Variants in GABRB1 observed in about 807,000 individuals in gnomAD.
GABRB1 encodes the protein gamma-aminobutyric acid type A receptor subunit beta1.
Under a neutral mutation model 51.6 loss-of-function variants are expected in GABRB1, and 17 were observed. The observed-to-expected ratio is 0.33, with a 90% CI of 0.23 to 0.49. The LOEUF is 0.49. Ranked by LOEUF, GABRB1 falls within the 20% of genes least tolerant of loss-of-function variation. The probability of loss-of-function intolerance (pLI) is 0.99; values close to 1 mark genes in which losing one functional copy is unlikely to be tolerated. For synonymous variants in GABRB1, 247 were observed against 218.9 expected, an observed-to-expected ratio of 1.13 and a Z score of -1.14; for missense variants, 410 against 600.6, an observed-to-expected ratio of 0.68 and a Z score of 3.32.
chr4:47,100,126 G>T (rs1714657214), intron 3 of GABRB1, among the ~76,000 whole-genome samples: 1 of 151,928 alleles, frequency 6.6e-6, no homozygotes, highest in Admixed American at 6.6e-5. Context: ...TATTTTCAAG[G>T]AATGGGGACC....
At chr4:47,208,037 TGCTCATA>T (rs1720210116) in intron 4 of GABRB1, among the ~76,000 whole-genome samples, 1 of 152,066 alleles carries the variant, frequency 6.6e-6, no homozygotes. Flanking sequence ...TATACATCAG[TGCTCATA>T]GCAGCATTAT....
Position 47,418,696 on chromosome 4 carries a change from T to G in GABRB1, c.1081-6978T>G, listed in dbSNP as rs539392658. Among the ~76,000 whole-genome samples the G allele has an allele frequency of 3.3e-5, 5 of 152,220 alleles. No individual in the cohort carries two copies. In the South Asian group the frequency reaches 8.3e-4, roughly 25 times the overall value. On this transcript the variant is annotated intron_variant, in intron 8 of 8. Transcript: ENST00000295454. ...TATATGCCAAGTACTTTTCTTGGCT[T>G]CGGGGAAACGGTTGTGAATAATACA...
At chr4:47,379,821 A>C (rs1340177896) in intron 5 of GABRB1, among the ~76,000 whole-genome samples, 1 of 152,208 alleles carries the variant, frequency 6.6e-6, no homozygotes, top group African/African-American at 2.4e-5. Context: ...GGAGTGAAGA[A>C]GAAAGATTTT....
intron 4 of GABRB1, among the ~76,000 whole-genome samples, chr4:47,195,052 G>A (rs955738013): frequency 3.3e-5 from 5 of 152,072 alleles, no homozygotes; most frequent in Admixed American, 6.6e-5. Flanking sequence ...GCAGAGGTGG[G>A]TAAGGTGTTC....
At chr4:47,165,019 T>A (rs1718113375) in intron 4 of GABRB1, among the ~76,000 whole-genome samples, 1 of 152,044 alleles carries the variant, frequency 6.6e-6, no homozygotes, top group Non-Finnish European at 1.5e-5. Context: ...ATAAAGAACG[T>A]CCATGATGTG....
chr4:47,053,330 C>T (rs981446776), intron 3 of GABRB1, among the ~76,000 whole-genome samples: 1 of 152,106 alleles, frequency 6.6e-6, no homozygotes, highest in African/African-American at 2.4e-5. Context: ...GATGAAGGCA[C>T]CAGCAGGTCT....
chr4:47,078,019 T>A (rs1727651009), intron 3 of GABRB1, among the ~76,000 whole-genome samples: 2 of 142,502 alleles, frequency 1.4e-5, no homozygotes, highest in South Asian at 4.3e-4. Flanking sequence ...GAAGGAGTTT[T>A]GCTCTTATTG....
At chr4:47,118,932 T>C (rs1715623654) in intron 3 of GABRB1, among the ~76,000 whole-genome samples, 1 of 152,148 alleles carries the variant, frequency 6.6e-6, no homozygotes, top group South Asian at 2.1e-4. Context: ...GAGGGTTAAT[T>C]AAAATAAATA....
intron 4 of GABRB1, among the ~76,000 whole-genome samples, chr4:47,230,300 T>C (rs1040643630): frequency 6.6e-6 from 1 of 152,082 alleles, no homozygotes; most frequent in Non-Finnish European, 1.5e-5. Flanking sequence ...GCCAAAGGCA[T>C]CTAGGAGGGA....
intron 5 of GABRB1, among the ~76,000 whole-genome samples, chr4:47,398,776 TTTTG>T (rs1326056449): frequency 2.1e-5 from 3 of 144,842 alleles, no homozygotes; most frequent in Non-Finnish European, 4.5e-5. Flanking sequence ...TTTTTTTGTT[TTTTG>T]TTTGTTTGTT....
At chr4:47,246,351 T>C (rs1194333859) in intron 4 of GABRB1, among the ~76,000 whole-genome samples, 24 of 16,802 alleles carry the variant, frequency 1.4e-3, no homozygotes, top group Non-Finnish European at 2.1e-3. Context: ...TATATATATA[T>C]ATATATATAT....
chr4:47,372,145 T>A (rs1192297501), intron 5 of GABRB1, among the ~76,000 whole-genome samples: 1 of 152,222 alleles, frequency 6.6e-6, no homozygotes, highest in Non-Finnish European at 1.5e-5. Flanking sequence ...AGTTTGAATT[T>A]TCTGCATATG....
intron 3 of GABRB1, among the ~76,000 whole-genome samples, chr4:47,049,613 A>T (rs1010085170): frequency 1.3e-5 from 2 of 152,186 alleles, no homozygotes; most frequent in African/African-American, 4.8e-5. Flanking sequence ...CACATAGCTT[A>T]CAGGAGGTAT....
intron 4 of GABRB1, among the ~76,000 whole-genome samples, chr4:47,176,695 C>T (rs771426144): frequency 6.6e-6 from 1 of 151,662 alleles, no homozygotes; most frequent in African/African-American, 2.4e-5. Flanking sequence ...GGTCCAATGT[C>T]AAGAAAAAGG....
chr4:47,403,807 G>A (rs1309951257), intron 7 of GABRB1, 96 bp downstream of exon 7: 2 of 1,193,804 alleles, frequency 1.7e-6, no homozygotes, highest in African/African-American at 3.0e-5. Flanking sequence ...CTTATAGCAA[G>A]CCAAAGAATT....
chr4:47,232,512 A>G (rs1025361004), intron 4 of GABRB1, among the ~76,000 whole-genome samples: 1 of 152,108 alleles, frequency 6.6e-6, no homozygotes, highest in Non-Finnish European at 1.5e-5. Context: ...GTGACTTTTA[A>G]AAGTATCTTT....
At chr4:47,405,552 C>T (rs1366401287) in intron 7 of GABRB1, among the ~76,000 whole-genome samples, 1 of 151,902 alleles carries the variant, frequency 6.6e-6, no homozygotes, top group Non-Finnish European at 1.5e-5. Flanking sequence ...GCTGGGTGGC[C>T]TAAAACAAAA....
intron 3 of GABRB1, among the ~76,000 whole-genome samples, chr4:47,123,912 T>A (rs1194052138): frequency 1.7e-5 from 1 of 57,316 alleles, no homozygotes. Context: ...TATTATATAT[T>A]AATATATGAT....
intron 1 of GABRB1, among the ~76,000 whole-genome samples, chr4:47,004,582 G>C (rs2109432210): frequency 6.6e-6 from 1 of 152,222 alleles, no homozygotes; most frequent in East Asian, 1.9e-4. Context: ...GACTATTAAA[G>C]GATATACTTT....
Sources: allele counts gnomAD v4.1 joint callset (sites outside exome capture counted in the v4.1 genomes callset), GRCh38; gene constraint gnomAD v4.1.1; transcripts MANE v1.5; gene names NCBI Gene and HGNC (gene_info 2026-07-23, HGNC 2026-07-21).